The following GREB1L variants were observed in gnomAD, a reference collection of about 807,000 sequenced individuals.
The protein encoded by GREB1L is GREB1-like protein.
GREB1L carries 17 observed loss-of-function variants against 200.8 expected under a neutral mutation model. The ratio of observed to expected loss-of-function variants is 0.08; its 90% confidence interval spans 0.06 to 0.13. GREB1L has a LOEUF of 0.13. GREB1L is among the 10% of genes least tolerant of loss of function. GREB1L has a pLI of 1.00. For missense variants in GREB1L, 1,657 were observed against 2,367.7 expected (o/e 0.70, Z 6.23); for synonymous variants, 789 against 893.0 (o/e 0.88, Z 2.08).
chr18:21,365,419 A>G (rs16941256), intron 1 of GREB1L, among the ~76,000 whole-genome samples: 22,822 of 152,098 alleles, frequency 0.15, 3,715 homozygotes, highest in African/African-American at 0.4. Context: ...GGAGAGATGA[A>G]CATGCATACT....
At position 21,524,694 on chromosome 18, in the gene GREB1L, A is replaced by T. The variant is rs550563869; in HGVS notation, c.*1873A>T. The T allele has an allele frequency of 6.6e-6, 1 of 152,226 alleles. No individual in the cohort carries two copies. The highest frequency in any genetic ancestry group is 2.1e-4 in the South Asian group (1 of 4,818). 9.4% of individuals were successfully genotyped at this position (152,226 alleles called of 1,614,324 possible). ...TCTCAGGGTTTCTTCTGGCTTTATGACTTCATAGTTTAAAGAACTTTTTTT... is the reference window on the plus strand; with the variant it reads ...TCTCAGGGTTTCTTCTGGCTTTATGTCTTCATAGTTTAAAGAACTTTTTTT... On this transcript the variant is annotated 3_prime_UTR_variant, in exon 33 of 33. Transcript: ENST00000424526.
intron 1 of GREB1L, among the ~76,000 whole-genome samples, chr18:21,291,277 C>T (rs1598634456): frequency 6.6e-6 from 1 of 152,096 alleles, no homozygotes; most frequent in Non-Finnish European, 1.5e-5. Context: ...AGTGCTGTCC[C>T]GCCCTGACTC....
chr18:21,457,409 A>G (rs2034817779), intron 15 of GREB1L, among the ~76,000 whole-genome samples: 1 of 152,258 alleles, frequency 6.6e-6, no homozygotes, highest in Admixed American at 6.5e-5. Context: ...ATATTTAAAC[A>G]TACCTTTATT....
chr18:21,405,801 A>G (rs1417889229), intron 7 of GREB1L, among the ~76,000 whole-genome samples: 1 of 152,078 alleles, frequency 6.6e-6, no homozygotes, highest in Non-Finnish European at 1.5e-5. Flanking sequence ...ACTCTGTCGC[A>G]AAAGAAAAAA....
At chr18:21,510,426 G>A (rs1425931332) in intron 27 of GREB1L, among the ~76,000 whole-genome samples, 5 of 152,100 alleles carry the variant, frequency 3.3e-5, no homozygotes, top group East Asian at 3.9e-4. Context: ...TCATATCAGT[G>A]GAATGATACA....
chr18:21,369,948 C>CAAAAAA (rs201252099), intron 2 of GREB1L, among the ~76,000 whole-genome samples: 2 of 87,888 alleles, frequency 2.3e-5, no homozygotes, highest in Non-Finnish European at 4.9e-5. Flanking sequence ...GACTCCATCT[C>CAAAAAA]AAAAAAAAAA....
chr18:21,432,965 C>T (rs1427145832), intron 7 of GREB1L, among the ~76,000 whole-genome samples: 1 of 152,060 alleles, frequency 6.6e-6, no homozygotes, highest in Non-Finnish European at 1.5e-5. Flanking sequence ...CCTTGGCCTC[C>T]CAAAGTGCTG....
intron 28 of GREB1L, 87 bp from the exon 29 acceptor site, chr18:21,515,330 C>G (rs1047993691): frequency 2.4e-6 from 2 of 849,064 alleles, no homozygotes; most frequent in East Asian, 2.7e-5. Context: ...GAGAGTATTA[C>G]TGGTATATAG....
At chr18:21,395,268 T>C (rs1341442637) in intron 4 of GREB1L, 117 bp from the exon 5 acceptor site, 21 of 810,002 alleles carry the variant, frequency 2.6e-5, no homozygotes, top group Non-Finnish European at 4.0e-5. Flanking sequence ...GTATAGGGAC[T>C]TTAATTTAGT....
At chr18:21,441,085 T>C (rs566682107) in intron 9 of GREB1L, among the ~76,000 whole-genome samples, 12 of 152,278 alleles carry the variant, frequency 7.9e-5, no homozygotes, top group Non-Finnish European at 1.5e-4. Flanking sequence ...TGAACAGATA[T>C]ATGCCTTTGA....
intron 11 of GREB1L, among the ~76,000 whole-genome samples, chr18:21,446,392 A>G (rs1327872129): frequency 6.6e-6 from 1 of 152,220 alleles, no homozygotes; most frequent in Non-Finnish European, 1.5e-5. Flanking sequence ...AGTGGTCAAA[A>G]TAAGATATCT....
intron 1 of GREB1L, among the ~76,000 whole-genome samples, chr18:21,275,382 A>AT (rs2038145722): frequency 6.6e-6 from 1 of 152,196 alleles, no homozygotes; most frequent in African/African-American, 2.4e-5. Flanking sequence ...ATTTTTAATT[A>AT]TTTATTTTTT....
At chr18:21,243,762 G>A (rs1238977341) in intron 1 of GREB1L, among the ~76,000 whole-genome samples, 1 of 152,178 alleles carries the variant, frequency 6.6e-6, no homozygotes, top group Non-Finnish European at 1.5e-5. Flanking sequence ...AAATTAAATT[G>A]TTGAAATATT....
At chr18:21,344,596 A>G (rs1327013880) in intron 1 of GREB1L, among the ~76,000 whole-genome samples, 1 of 152,238 alleles carries the variant, frequency 6.6e-6, no homozygotes, top group Non-Finnish European at 1.5e-5. Context: ...TGGGAATAAA[A>G]CAAGTATACA....
chr18:21,449,213 G>T (rs1222212280), intron 11 of GREB1L, among the ~76,000 whole-genome samples: 1 of 152,142 alleles, frequency 6.6e-6, no homozygotes. Context: ...GACCAGCTCC[G>T]AGGGCATACA....
At chr18:21,291,450 A>T (rs2038449650) in intron 1 of GREB1L, among the ~76,000 whole-genome samples, 1 of 152,166 alleles carries the variant, frequency 6.6e-6, no homozygotes, top group Non-Finnish European at 1.5e-5. Context: ...TGTCTGCTTC[A>T]CCACTGTAGA....
chr18:21,373,540 A>G (rs1363143975), intron 2 of GREB1L, among the ~76,000 whole-genome samples: 10 of 151,990 alleles, frequency 6.6e-5, no homozygotes, highest in African/African-American at 2.4e-4. Context: ...CACTATGTTG[A>G]CCAAGCTGGT....
intron 7 of GREB1L, among the ~76,000 whole-genome samples, chr18:21,417,837 C>T (rs2031785595): frequency 6.6e-6 from 1 of 151,712 alleles, no homozygotes; most frequent in South Asian, 2.1e-4. Context: ...AAAAATTAGC[C>T]AGGCGGGGTG....
intron 15 of GREB1L, among the ~76,000 whole-genome samples, chr18:21,467,023 C>T (rs1402654613): frequency 1.3e-5 from 2 of 152,084 alleles, no homozygotes; most frequent in Non-Finnish European, 2.9e-5. Flanking sequence ...GTCTTTTCAA[C>T]GAATGATGCT....
Sources: allele counts gnomAD v4.1 joint callset (sites outside exome capture counted in the v4.1 genomes callset), GRCh38; gene constraint gnomAD v4.1.1; transcripts MANE v1.5; gene names NCBI Gene and HGNC (gene_info 2026-07-23, HGNC 2026-07-21).